The following ZNF462 variants were observed in gnomAD, a reference collection of about 807,000 sequenced individuals.
ZNF462 encodes zinc finger PBX1-interacting protein.
In ZNF462, 10 loss-of-function variants were observed where a neutral mutation model predicts 201.9. The ratio of observed to expected loss-of-function variants is 0.05; its 90% confidence interval spans 0.03 to 0.08. ZNF462 has a LOEUF of 0.08. Among genes scored for constraint, ZNF462 ranks in the 10% least tolerant of loss-of-function variants. The pLI, the probability that ZNF462 is intolerant of heterozygous loss-of-function variation, is 1.00. For missense variants in ZNF462, 2,523 were observed against 3,168.3 expected, an observed-to-expected ratio of 0.80 and a Z score of 4.89; for synonymous variants, 1,227 against 1,193.3, an observed-to-expected ratio of 1.03 and a Z score of -0.58.
intron 7 of ZNF462, among the ~76,000 whole-genome samples, chr9:106,941,257 G>C (rs1830857380): frequency 1.3e-5 from 2 of 152,142 alleles, no homozygotes; most frequent in East Asian, 3.9e-4. Context: ...AATGAGTATA[G>C]TATTTTTCTG....
chr9:106,961,651 C>A (rs777807337), intron 7 of ZNF462, among the ~76,000 whole-genome samples: 4 of 151,800 alleles, frequency 2.6e-5, no homozygotes, highest in Admixed American at 6.6e-5. Flanking sequence ...GATGGATGCA[C>A]ACATGGATAC....
chr9:106,967,506 C>CAA (rs374137082), intron 7 of ZNF462, among the ~76,000 whole-genome samples: 1 of 145,152 alleles, frequency 6.9e-6, no homozygotes, highest in African/African-American at 2.5e-5. Context: ...CTGGAATTAG[C>CAA]AAAAAAAAAA....
chr9:106,860,186 G>C (rs1044152860), upstream of ZNF462, among the ~76,000 whole-genome samples: 1 of 152,206 alleles, frequency 6.6e-6, no homozygotes, highest in Non-Finnish European at 1.5e-5. The surrounding 1 kb of genome is among the most constrained non-coding windows in gnomAD (Gnocchi z 7.1). Context: ...GGCCGGTTCG[G>C]GAGCTTTCTC....
intron 7 of ZNF462, among the ~76,000 whole-genome samples, chr9:106,967,527 T>C (rs994955126): frequency 3.9e-5 from 6 of 151,934 alleles, no homozygotes; most frequent in Admixed American, 6.6e-5. Context: ...GTCCAATTTC[T>C]CCAGGAACAT....
At chr9:106,918,629 A>G (rs1829874636) in intron 1 of ZNF462, among the ~76,000 whole-genome samples, 1 of 152,228 alleles carries the variant, frequency 6.6e-6, no homozygotes, top group Admixed American at 6.5e-5. Flanking sequence ...TTTAAAAAAA[A>G]TCATTTTTCA....
intron 10 of ZNF462, among the ~76,000 whole-genome samples, chr9:106,985,415 C>T (rs1827763924): frequency 6.6e-6 from 1 of 152,086 alleles, no homozygotes; most frequent in African/African-American, 2.4e-5. Context: ...AAATTCTCTT[C>T]CAGAGGTTTG....
Position 106,925,079 on chromosome 9 carries a change from T to G in ZNF462, c.1167T>G (p.Asp389Glu). ...TNSMLNDSSSDEELNEIDSEN... is the reference protein window; with the variant it reads ...TNSMLNDSSSEEELNEIDSEN... ...GCATGCTAAATGACTCTAGTTCTGA[T>G]GAAGAGTTAAATGAAATAGACAGTG... Residue 389 changes from aspartate (D) to glutamate (E), a missense_variant, in exon 3 of 13, where the codon GAT becomes GAG. By Grantham distance (45) the Asp-to-Glu change is conservative (BLOSUM62 2). Transcript: ENST00000277225. This position sits in a 1 kb window ranked among gnomAD's most constrained non-coding sequence, Gnocchi z 7.9. 1 of 1,614,192 alleles carries G rather than the reference T, an allele frequency of 6.2e-7. No individual in the cohort carries two copies. Among genetic ancestry groups the G allele is most frequent in the Non-Finnish European group, 8.5e-7 (1 of 1,180,034 alleles).
Position 106,935,551 on chromosome 9 carries a change from A to G in ZNF462, c.6165A>G (p.Arg2055=). Residue 2055 remains arginine (R), a synonymous_variant, in exon 6 of 13, where the codon CGA becomes CGG. Coordinates refer to ENST00000277225, the MANE Select transcript of ZNF462 (RefSeq NM_021224.6). This position sits in a 1 kb window ranked among gnomAD's most constrained non-coding sequence, Gnocchi z 4.1. The part of the protein sequence containing the change: ...QTHHGHHKPF[R]CKLCSFKSSY... Reference sequence around the variant, plus strand: ...ACCACGGACACCATAAACCATTCCGATGCAAACTCTGCTCCTTCAAGTCCT... The same window carrying G: ...ACCACGGACACCATAAACCATTCCGGTGCAAACTCTGCTCCTTCAAGTCCT... 1.2e-6 allele frequency: 2 copies of G among 1,614,082 alleles called. No individual in the cohort carries two copies. The highest frequency in any genetic ancestry group is 1.7e-6 in the Non-Finnish European group (2 of 1,179,988).
chr9:107,003,265 A>G lies in ZNF462; in HGVS notation c.7057-29A>G, dbSNP rs758861606. ...AACCCCATTTGGTCTGCGGTTTATT[A>G]TTCCATCATTTGTTTGGGCCTTTTT... On this transcript the variant is annotated intron_variant, in intron 10 of 12. Transcript: ENST00000277225. The surrounding 1 kb of genome is among the most constrained non-coding windows in gnomAD (Gnocchi z 4.4). The G allele has an allele frequency of 7.4e-6, 12 of 1,612,540 alleles. No individual in the cohort carries two copies. In the South Asian group the frequency reaches 1.3e-4, roughly 18 times the overall value.
At chr9:106,969,684 G>T (rs1826490375) in intron 7 of ZNF462, among the ~76,000 whole-genome samples, 1 of 152,178 alleles carries the variant, frequency 6.6e-6, no homozygotes, top group African/African-American at 2.4e-5. Context: ...CCAGGGATGT[G>T]CCTTGTTATG....
At chr9:106,943,840 C>A (rs1255435195) in intron 7 of ZNF462, among the ~76,000 whole-genome samples, 1 of 152,104 alleles carries the variant, frequency 6.6e-6, no homozygotes, top group African/African-American at 2.4e-5. Context: ...CTCCACTAAC[C>A]AAATTACACA....
Position 106,981,485 on chromosome 9 carries a change from C to T in ZNF462, c.6833-2701C>T, listed in dbSNP as rs991823835. 6.6e-6 allele frequency among the ~76,000 whole-genome samples: 1 copy of T among 152,298 alleles called. No homozygotes were observed. The highest frequency in any genetic ancestry group is 1.5e-5 in the Non-Finnish European group (1 of 68,038). The stretch of plus-strand genomic sequence containing the variant: ...TTAATTGATCAGTTCTCGGTTTCCA[C>T]ATCAACAAACTGAAGAAAATAGAAC... On this transcript the variant is annotated intron_variant, in intron 9 of 12. Coordinates refer to ENST00000277225, the MANE Select transcript of ZNF462 (RefSeq NM_021224.6). The surrounding 1 kb of genome is among the most constrained non-coding windows in gnomAD (Gnocchi z 4.0).
At position 106,870,210 on chromosome 9, in the gene ZNF462, T is replaced by G. The variant is rs750941097; in HGVS notation, c.-31+6855T>G. Among the ~76,000 whole-genome samples, 14 of 152,346 alleles carry G rather than the reference T, an allele frequency of 9.2e-5. No individual in the cohort carries two copies. Among genetic ancestry groups the G allele is most frequent in the South Asian group, 6.2e-4 (3 of 4,826 alleles). On this transcript the variant is annotated intron_variant, in intron 1 of 12. Transcript: ENST00000277225. The surrounding 1 kb of genome is among the most constrained non-coding windows in gnomAD (Gnocchi z 4.3). ...CACCTACAAATGCATTGCCTTTTACTTCTGGTGAGCACATTACTTGGTGTC... is the reference window on the plus strand; with the variant it reads ...CACCTACAAATGCATTGCCTTTTACGTCTGGTGAGCACATTACTTGGTGTC...
chr9:106,989,371 C>A (rs141318238), intron 10 of ZNF462, among the ~76,000 whole-genome samples: 1,770 of 152,240 alleles, frequency 0.012, 35 homozygotes, highest in South Asian at 0.013. Flanking sequence ...ACTATCCCTG[C>A]ATCCCTGGTA....
intron 10 of ZNF462, among the ~76,000 whole-genome samples, chr9:106,986,921 A>C (rs1451153368): frequency 6.6e-6 from 1 of 152,074 alleles, no homozygotes; most frequent in Admixed American, 6.6e-5. Context: ...AGTTTCATCC[A>C]GGTCGCTGCA....
In ZNF462 at chr9:107,010,907, A is replaced by G; in HGVS notation, c.7398A>G (p.Ile2466Met). The stretch of plus-strand genomic sequence containing the variant: ...AGAACAGTGTTAAAATGCCCTCCAT[A>G]GAGGAAAAGGAAGATGACGAGGCCA... The part of the protein sequence containing the change: ...IMENSVKMPS[I>M]EEKEDDEAIG... The change falls in exon 13 of 13, where the codon ATA (isoleucine) becomes ATG (methionine). Residue 2466 changes from isoleucine (I) to methionine (M), a missense_variant. Ile to Met is a conservative substitution (Grantham distance 10). Around this residue, in one of 15 missense-constraint regions of ZNF462, gnomAD observed 67 missense variants for 63.2 expected, o/e 1.06. Transcript: ENST00000277225. The surrounding 1 kb of genome is among the most constrained non-coding windows in gnomAD (Gnocchi z 4.6). 6.2e-7 allele frequency: 1 copy of G among 1,613,778 alleles called. No homozygotes were observed. Among genetic ancestry groups the G allele is most frequent in the South Asian group, 1.1e-5 (1 of 91,074 alleles).
At chr9:106,965,581 T>C (rs911078951) in intron 7 of ZNF462, among the ~76,000 whole-genome samples, 1 of 151,640 alleles carries the variant, frequency 6.6e-6, no homozygotes, top group Non-Finnish European at 1.5e-5. Context: ...ATCTGAACCT[T>C]TGAAGGAAGA....
At chr9:106,960,240 C>T (rs963804906) in intron 7 of ZNF462, among the ~76,000 whole-genome samples, 16 of 152,016 alleles carry the variant, frequency 1.1e-4, no homozygotes, top group Admixed American at 8.5e-4. Flanking sequence ...TCTTGATTAT[C>T]GAATCTTTTA....
chr9:106,927,426 C>T lies in ZNF462; in HGVS notation c.3514C>T (p.Pro1172Ser), dbSNP rs770777920. Residue 1172 changes from proline to serine, a missense_variant, in exon 3 of 13, where the codon CCC becomes TCC. Coordinates refer to ENST00000277225, the MANE Select transcript of ZNF462 (RefSeq NM_021224.6). Reference sequence around the variant, plus strand: ...CCAAGGCTCCCCCCGGCCACCCGCCCCCATACAACAGCTGAACCGAAGCAG... The same window carrying T: ...CCAAGGCTCCCCCCGGCCACCCGCCTCCATACAACAGCTGAACCGAAGCAG... Reference protein sequence around the residue: ...GPQGSPRPPAPIQQLNRSSSE... With the variant: ...GPQGSPRPPASIQQLNRSSSE... 3 of 1,614,096 alleles carry T rather than the reference C, an allele frequency of 1.9e-6. No homozygotes were observed. The highest frequency in any genetic ancestry group is 2.2e-5 in the South Asian group (2 of 91,070).
Sources: gnomAD v4.1 joint callset for allele counts (sites outside exome capture counted in the v4.1 genomes callset) on GRCh38, gnomAD v4.1.1 for gene constraint, gnomAD v4.1.1 regional missense constraint, Gnocchi (gnomAD v3.1) non-coding constraint, MANE v1.5 for transcripts, NCBI Gene and HGNC (gene_info 2026-07-23, HGNC 2026-07-21) for gene names.